Variants in TPST1 observed in about 807,000 individuals in gnomAD.
TPST1 encodes the protein tyrosylprotein sulfotransferase 1, also known as protein-tyrosine sulfotransferase 1.
In TPST1, 20 loss-of-function variants were observed where a neutral mutation model predicts 34.8. The ratio of observed to expected loss-of-function variants is 0.57; its 90% CI spans 0.40 to 0.84. The LOEUF (loss-of-function observed/expected upper bound fraction) is 0.84. Ranked by LOEUF, TPST1 falls within the 40% of genes least tolerant of loss-of-function variation. The pLI is 0.00. For missense variants in TPST1, 353 were observed against 455.5 expected (o/e 0.78, Z 2.05); for synonymous variants, 152 against 159.4 (o/e 0.95, Z 0.35).
intron 3 of TPST1, among the ~76,000 whole-genome samples, chr7:66,333,417 C>G (rs1248803007): frequency 2.6e-5 from 4 of 152,076 alleles, no homozygotes; most frequent in African/African-American, 4.8e-5. Flanking sequence ...TGTGGAAGAT[C>G]GAGAAAGTGC....
At chr7:66,248,166 T>C (rs1790189528) in intron 2 of TPST1, among the ~76,000 whole-genome samples, 1 of 152,136 alleles carries the variant, frequency 6.6e-6, no homozygotes, top group African/African-American at 2.4e-5. Context: ...TTGAGAGAAA[T>C]GATGCGGACC....
intron 3 of TPST1, among the ~76,000 whole-genome samples, chr7:66,294,047 ACT>A (rs1223228149): frequency 6.6e-6 from 1 of 152,052 alleles, no homozygotes; most frequent in Non-Finnish European, 1.5e-5. Context: ...AAAATTTACC[ACT>A]CTGACACTTT....
chr7:66,318,175 T>C (rs567337659), intron 3 of TPST1, among the ~76,000 whole-genome samples: 1 of 152,102 alleles, frequency 6.6e-6, no homozygotes, highest in African/African-American at 2.4e-5. Flanking sequence ...AATAAATAAA[T>C]AAATATATAT....
chr7:66,219,608 T>C (rs969869867), intron 1 of TPST1, among the ~76,000 whole-genome samples: 5 of 152,210 alleles, frequency 3.3e-5, no homozygotes, highest in Non-Finnish European at 7.3e-5. Context: ...ATAGGACAAT[T>C]CTGGAGAAAA....
chr7:66,210,285 G>A (rs1789216467), intron 1 of TPST1, among the ~76,000 whole-genome samples: 1 of 152,206 alleles, frequency 6.6e-6, no homozygotes, highest in Non-Finnish European at 1.5e-5. Context: ...CAAATTTTGA[G>A]GGAAAAGGAG....
chr7:66,359,972 A>G lies in TPST1; in HGVS notation c.*107A>G. On this transcript the variant is annotated 3_prime_UTR_variant, in exon 6 of 6. Transcript: ENST00000304842. ...CTGCCAAGCTTGGTGGAGCGTCTGC[A>G]CCTTGGCTGCGCCGCCTGTGCATTT... 1 of 456,632 alleles carries G rather than the reference A, an allele frequency of 2.2e-6. No homozygotes were observed. The highest frequency in any genetic ancestry group is 1.5e-5 in the South Asian group (1 of 64,560). The allele number at this position is 456,632 out of a possible 1,614,324, so 28.3% of individuals were successfully genotyped here. A position where few individuals can be genotyped will look rare whatever the true frequency, so the allele number is the denominator to read the frequency against.
At chr7:66,252,871 T>G (rs1790296868) in intron 2 of TPST1, among the ~76,000 whole-genome samples, 1 of 152,216 alleles carries the variant, frequency 6.6e-6, no homozygotes, top group African/African-American at 2.4e-5. Context: ...ATCTGGAATT[T>G]ATTAATCAAT....
chr7:66,260,007 CAGTATGTATTCTTT>C (rs1216471028), intron 2 of TPST1, among the ~76,000 whole-genome samples: 3 of 152,152 alleles, frequency 2.0e-5, no homozygotes, highest in Non-Finnish European at 2.9e-5. Flanking sequence ...TGGAATCATA[CAGTATGTATTCTTT>C]TCAGATTGGG....
chr7:66,358,537 G>T (rs1036170735), intron 5 of TPST1, among the ~76,000 whole-genome samples: 1 of 151,942 alleles, frequency 6.6e-6, no homozygotes, highest in Non-Finnish European at 1.5e-5. Flanking sequence ...TTCCTGTTTT[G>T]CTAGTGAGAA....
intron 3 of TPST1, among the ~76,000 whole-genome samples, chr7:66,317,732 A>G (rs562625428): frequency 6.6e-6 from 1 of 151,852 alleles, no homozygotes; most frequent in African/African-American, 2.4e-5. Context: ...TATATTTTCA[A>G]ATGCTTTTTA....
At chr7:66,345,630 G>A (rs1224581351) in intron 3 of TPST1, among the ~76,000 whole-genome samples, 2 of 151,806 alleles carry the variant, frequency 1.3e-5, no homozygotes, top group Admixed American at 6.6e-5. Flanking sequence ...ATGGAGAGTG[G>A]AGTGAAATAT....
Position 66,273,533 on chromosome 7 carries a change from A to C in TPST1, c.846-12978A>C, listed in dbSNP as rs544297838. Among the ~76,000 whole-genome samples, 9 of 152,354 alleles carry C rather than the reference A, an allele frequency of 5.9e-5. No homozygotes were observed. The South Asian group carries it at 1.9e-3, about 32-fold the overall frequency. On this transcript the variant is annotated intron_variant, in intron 2 of 5. Coordinates refer to ENST00000304842, the MANE Select transcript of TPST1 (RefSeq NM_003596.4). ...GTATTTGACTTCAAAATATACTGTA[A>C]AGCTATAGTAATCAGAATAGCATGG...
At chr7:66,347,260 G>A (rs2116362888) in intron 3 of TPST1, among the ~76,000 whole-genome samples, 1 of 151,742 alleles carries the variant, frequency 6.6e-6, no homozygotes, top group South Asian at 2.1e-4. Context: ...TAGAGACGGG[G>A]TTTCACCATG....
At chr7:66,227,527 A>G (rs1789684918) in intron 1 of TPST1, among the ~76,000 whole-genome samples, 1 of 151,974 alleles carries the variant, frequency 6.6e-6, no homozygotes, top group African/African-American at 2.4e-5. Flanking sequence ...GATATCAGCA[A>G]TCCTCCCACC....
intron 1 of TPST1, 61 bp from the exon 2 acceptor site, chr7:66,240,264 G>A: frequency 3.6e-6 from 3 of 837,344 alleles, no homozygotes; most frequent in Non-Finnish European, 5.4e-6. Context: ...GGTGATAACT[G>A]GTGACTGATT....
chr7:66,272,389 A>T (rs939972257), intron 2 of TPST1, among the ~76,000 whole-genome samples: 6 of 152,204 alleles, frequency 3.9e-5, no homozygotes, highest in African/African-American at 1.2e-4. Flanking sequence ...ACCTCAATAG[A>T]TGCAGAAAAG....
chr7:66,272,034 G>A (rs1018361275), intron 2 of TPST1, among the ~76,000 whole-genome samples: 1 of 152,094 alleles, frequency 6.6e-6, no homozygotes, highest in Non-Finnish European at 1.5e-5. Context: ...GATAACAGCT[G>A]CTCTGTGCCT....
chr7:66,238,698 A>G (rs1333611132), intron 1 of TPST1, among the ~76,000 whole-genome samples: 3 of 152,226 alleles, frequency 2.0e-5, no homozygotes, highest in Non-Finnish European at 4.4e-5. Context: ...AATCACATCT[A>G]AAATATACCT....
intron 3 of TPST1, among the ~76,000 whole-genome samples, chr7:66,322,912 A>AT (rs565657645): frequency 1.3e-5 from 2 of 151,376 alleles, no homozygotes; most frequent in African/African-American, 4.9e-5. Flanking sequence ...AACACTTGTT[A>AT]TTTTTTTTAT....
Sources: allele counts gnomAD v4.1 joint callset (sites outside exome capture counted in the v4.1 genomes callset), GRCh38; gene constraint gnomAD v4.1.1; transcripts MANE v1.5; gene names NCBI Gene and HGNC (gene_info 2026-07-23, HGNC 2026-07-21).